VPS13B: variants seen among roughly 807,000 people sequenced by gnomAD.
VPS13B encodes the protein intermembrane lipid transfer protein VPS13B.
VPS13B carries 285 observed loss-of-function variants against 426.4 expected under a neutral mutation model. That is an observed-to-expected ratio of 0.67 (90% CI 0.61 to 0.74). The LOEUF is 0.74. VPS13B is among the 30% of genes least tolerant of loss of function. The probability of loss-of-function intolerance (pLI) is 0.00; values close to 1 mark genes in which losing one functional copy is unlikely to be tolerated. For missense variants in VPS13B, 4,537 were observed against 4,782.6 expected (o/e 0.95, Z 1.51); for synonymous variants, 1,676 against 1,676.4 (o/e 1.00, Z 0.01).
rs1385375106 is a variant in VPS13B at position 99,508,044 on chromosome 8, T to A, written c.4224+841T>A. ...CATAAACTTTATAAATGAAGTATAA[T>A]GTAATTTAAAATCATAAAACTGCTT... On this transcript the variant is annotated intron_variant, in intron 28 of 61. Transcript: ENST00000357162. The A allele has an allele frequency of 5.7e-6, 8 of 1,412,890 alleles. No individual in the cohort carries two copies. The East Asian group carries it at 1.7e-4, about 30-fold the overall frequency. The allele number at this position is 1,412,890 out of a possible 1,614,324, so 87.5% of individuals were successfully genotyped here.
At chr8:99,656,486 G>A (rs1340306255) in intron 34 of VPS13B, among the ~76,000 whole-genome samples, 1 of 152,160 alleles carries the variant, frequency 6.6e-6, no homozygotes, top group Non-Finnish European at 1.5e-5. Context: ...TACATTCATA[G>A]GCTCCTTTAA....
At chr8:99,327,533 G>A (rs1810338857) in intron 19 of VPS13B, among the ~76,000 whole-genome samples, 1 of 152,082 alleles carries the variant, frequency 6.6e-6, no homozygotes, top group African/African-American at 2.4e-5. Flanking sequence ...TTATACAGGT[G>A]GGAGGGAAAG....
At chr8:99,857,980 G>C (rs1816638491) in intron 56 of VPS13B, among the ~76,000 whole-genome samples, 1 of 152,182 alleles carries the variant, frequency 6.6e-6, no homozygotes, top group South Asian at 2.1e-4. Flanking sequence ...CTCTTCGTGG[G>C]CTGGGCATGG....
intron 25 of VPS13B, among the ~76,000 whole-genome samples, 190 bp from the exon 26 acceptor site, chr8:99,501,497 A>G (rs1430546658): frequency 6.6e-6 from 1 of 152,226 alleles, no homozygotes; most frequent in Non-Finnish European, 1.5e-5. Context: ...TTCTAACAAT[A>G]AAAATCATTT....
intron 35 of VPS13B, among the ~76,000 whole-genome samples, chr8:99,670,090 T>G (rs1414031724): frequency 6.6e-6 from 1 of 152,098 alleles, no homozygotes; most frequent in Non-Finnish European, 1.5e-5. Context: ...ATGTATTTTT[T>G]GAGTGCTTTT....
rs1490939629 is a variant in VPS13B, at chr8:99,870,842, A to G, written c.11450A>G (p.Asp3817Gly). 6.2e-7 allele frequency: 1 copy of G among 1,614,074 alleles called. No individual in the cohort carries two copies. The highest frequency in any genetic ancestry group is 2.2e-5 in the East Asian group (1 of 44,896). ...QLPKQRHQPS[D>G]LHADQAPNSH... is the part of the protein sequence containing the mutation. ...CCCAAACAGCGCCATCAGCCAAGTG[A>G]TCTACATGCTGACCAGGCTCCAAAC... The change falls in exon 60 of 62, where the codon GAT (aspartate) becomes GGT (glycine). Residue 3817 changes from aspartate to glycine, a missense_variant. By Grantham distance (94) the Asp-to-Gly change is moderately conservative. Around this residue, in one of 2 missense-constraint regions of VPS13B, gnomAD observed 4,311 missense variants for 4,474.3 expected, o/e 0.96. Transcript: ENST00000357162.
At chr8:99,501,957 C>G in intron 26 of VPS13B, 99 bp downstream of exon 26, 1 of 1,214,282 alleles carries the variant, frequency 8.2e-7, no homozygotes, top group Non-Finnish European at 1.1e-6. Context: ...TTCTGTCTGT[C>G]TGTCTGTCTG....
Position 99,835,556 on chromosome 8 carries a change from G to A in VPS13B, c.9760G>A (p.Val3254Ile), listed in dbSNP as rs1259417083. The change falls in exon 54 of 62, where the codon GTT becomes ATT. Residue 3254 changes from valine (V) to isoleucine (I), a missense_variant. Around this residue, in one of 2 missense-constraint regions of VPS13B, gnomAD observed 4,311 missense variants for 4,474.3 expected, o/e 0.96. Coordinates refer to ENST00000357162, the MANE Select transcript of VPS13B (RefSeq NM_152564.5). Reference sequence around the variant, plus strand: ...AATTTCAGATATTCCAAAGTTTGAGGTTTATTGCAAAAAAATTCCCTCCGA... The same window carrying A: ...AATTTCAGATATTCCAAAGTTTGAGATTTATTGCAAAAAAATTCCCTCCGA... ...ENIKDIPKFE[V>I]YCKKIPSECS... 1 of 1,614,072 alleles carries A rather than the reference G, an allele frequency of 6.2e-7. No homozygotes were observed. The highest frequency in any genetic ancestry group is 8.5e-7 in the Non-Finnish European group (1 of 1,180,008).
At chr8:99,615,204 T>C (rs1270734341) in intron 33 of VPS13B, among the ~76,000 whole-genome samples, 1 of 152,076 alleles carries the variant, frequency 6.6e-6, no homozygotes, top group East Asian at 1.9e-4. Flanking sequence ...TTTGTTTCAA[T>C]GTAATAATTA....
intron 43 of VPS13B, among the ~76,000 whole-genome samples, chr8:99,795,456 C>T (rs182645879): frequency 2.6e-5 from 4 of 152,296 alleles, no homozygotes; most frequent in South Asian, 2.1e-4. Context: ...CTCCAAGCCT[C>T]CTCCACATTT....
chr8:99,669,266 A>T (rs1588608151), intron 35 of VPS13B, among the ~76,000 whole-genome samples: 1 of 151,430 alleles, frequency 6.6e-6, no homozygotes, highest in Non-Finnish European at 1.5e-5. Context: ...TTGAAATGCA[A>T]TTTTTTTTTA....
At chr8:99,757,463 G>GT (rs1810697898) in intron 39 of VPS13B, among the ~76,000 whole-genome samples, 1 of 152,094 alleles carries the variant, frequency 6.6e-6, no homozygotes, top group African/African-American at 2.4e-5. Context: ...TTCCTTTGTT[G>GT]TTTTGCCTAG....
Position 99,491,690 on chromosome 8 carries a change from G to C in VPS13B, c.3870+9888G>C, listed in dbSNP as rs140643696. Among the ~76,000 whole-genome samples the C allele has an allele frequency of 3.4e-3, 517 of 152,162 alleles. 16 individuals carry two copies. Among genetic ancestry groups the C allele is most frequent in the Admixed American group, 0.03 (458 of 15,286 alleles). On this transcript the variant is annotated intron_variant, in intron 25 of 61. Coordinates refer to ENST00000357162, the MANE Select transcript of VPS13B (RefSeq NM_152564.5). Reference sequence around the variant, plus strand: ...CTTGTGCATGCATCACGTAGTTCTCGTGCTGTGGTTTTCAGCTCCATCAGG... The same window carrying C: ...CTTGTGCATGCATCACGTAGTTCTCCTGCTGTGGTTTTCAGCTCCATCAGG...
intron 47 of VPS13B, 63 bp from the exon 48 acceptor site, chr8:99,819,349 A>C: frequency 6.3e-7 from 1 of 1,577,044 alleles, no homozygotes; most frequent in East Asian, 2.3e-5. Flanking sequence ...GATATTTTTC[A>C]ATAAATTATA....
rs1171434392 is a variant in VPS13B at position 99,657,026 on chromosome 8, A to G, written c.5909-4328A>G. ...CGTTATATTAATATTTTGTTGGGAAATAGTCATTTTGGATTCCTTGGATGG... is the reference window on the plus strand; with the variant it reads ...CGTTATATTAATATTTTGTTGGGAAGTAGTCATTTTGGATTCCTTGGATGG... On this transcript the variant is annotated intron_variant, in intron 34 of 61. Coordinates refer to ENST00000357162, the MANE Select transcript of VPS13B (RefSeq NM_152564.5). 2.0e-5 allele frequency among the ~76,000 whole-genome samples: 3 copies of G among 152,208 alleles called. No individual in the cohort carries two copies. The South Asian group carries it at 6.2e-4, about 31-fold the overall frequency.
chr8:99,410,666 T>A (rs1307239433), intron 21 of VPS13B, among the ~76,000 whole-genome samples: 1 of 152,054 alleles, frequency 6.6e-6, no homozygotes, highest in East Asian at 1.9e-4. Flanking sequence ...TGCACCCATC[T>A]ACCCGTCATC....
intron 35 of VPS13B, among the ~76,000 whole-genome samples, chr8:99,688,089 A>G (rs1831494049): frequency 6.7e-6 from 1 of 149,996 alleles, no homozygotes; most frequent in Non-Finnish European, 1.5e-5. Context: ...GCAAACTCAG[A>G]TATTATAAGG....
At chr8:99,507,701 A>AT (rs1821572673) in intron 28 of VPS13B, 10 of 1,606,262 alleles carry the variant, frequency 6.2e-6, no homozygotes, top group East Asian at 2.2e-5. Context: ...CTATCCAGAT[A>AT]TTTTTTTGCT....
At position 99,868,346 on chromosome 8, in the gene VPS13B, C is replaced by A; in HGVS notation, c.11273C>A (p.Ala3758Glu). 6.2e-7 allele frequency: 1 copy of A among 1,614,128 alleles called. No homozygotes were observed. Residue 3758 changes from alanine (A) to glutamate (E), a missense_variant, in exon 59 of 62, where the codon GCA becomes GAA. Transcript: ENST00000357162. ...PMQNFQKTSE[A>E]QASAGHKAKG... ...CAGAACTTCCAGAAAACATCTGAGG[C>A]ACAGGCTTCAGCAGGACACAAGGCC...
Sources: gnomAD v4.1 joint callset for allele counts (sites outside exome capture counted in the v4.1 genomes callset) on GRCh38, gnomAD v4.1.1 for gene constraint, gnomAD v4.1.1 regional missense constraint, MANE v1.5 for transcripts, NCBI Gene and HGNC (gene_info 2026-07-23, HGNC 2026-07-21) for gene names.